The following FBH1 variants were observed in gnomAD, a reference collection of about 807,000 sequenced individuals.
FBH1 encodes DNA 3'-5' helicase 1.
In FBH1, 43 loss-of-function variants were observed where a neutral mutation model predicts 115.5. That is an observed-to-expected ratio of 0.37 (90% CI 0.29 to 0.48). FBH1 has a LOEUF of 0.48. FBH1 is among the 20% of genes least tolerant of loss of function. The probability of loss-of-function intolerance (pLI) is 0.99; values close to 1 mark genes in which losing one functional copy is unlikely to be tolerated. For synonymous variants in FBH1, 524 were observed against 507.8 expected (o/e 1.03, Z -0.43); for missense variants, 1,001 against 1,337.3 (o/e 0.75, Z 3.92).
In FBH1 at chr10:5,906,363, G is replaced by T; in HGVS notation, c.484G>T (p.Ala162Ser). ...TGTGCCATGCACAAGGCCTAGGGAG[G>T]CCAGGCAAGAAGCAGAGGACAGTAC... ...LSVPCTRPRE[A>S]RQEAEDSTSR... Residue 162 changes from alanine to serine, a missense_variant, in exon 3 of 21, where the codon GCC (alanine) becomes TCC (serine). By Grantham distance (99) the Ala-to-Ser change is moderately conservative. Around this residue, in one of 4 missense-constraint regions of FBH1, gnomAD observed 420 missense variants for 430.4 expected, o/e 0.98. Coordinates refer to ENST00000362091, the MANE Select transcript of FBH1 (RefSeq NM_178150.3). The surrounding 1 kb of genome is among the most constrained non-coding windows in gnomAD (Gnocchi z 7.3). The T allele has an allele frequency of 6.2e-7, 1 of 1,614,212 alleles. No individual in the cohort carries two copies. Among genetic ancestry groups the T allele is most frequent in the Non-Finnish European group, 8.5e-7 (1 of 1,180,006 alleles).
In FBH1 at chr10:5,914,546, T is replaced by A. The variant is rs1007498018; in HGVS notation, c.1396+277T>A. 3.3e-5 allele frequency among the ~76,000 whole-genome samples: 5 copies of A among 152,252 alleles called. No homozygotes were observed. Among genetic ancestry groups the A allele is most frequent in the Non-Finnish European group, 7.3e-5 (5 of 68,044 alleles). On this transcript the variant is annotated intron_variant, in intron 8 of 20. Coordinates refer to ENST00000362091, the MANE Select transcript of FBH1 (RefSeq NM_178150.3). This position sits in a 1 kb window ranked among gnomAD's most constrained non-coding sequence, Gnocchi z 5.2. ...CCCGGGATTGAGCCCAGCATTGTGA[T>A]GTTTGCTCAGGCACTGATTGCTTCT...
Position 5,913,681 on chromosome 10 carries a change from G to A in FBH1, c.1212-66G>A. ...TGGGAAGGAGTTTAAATCCATCTGA[G>A]GAAAAATAAGATGCAGATTGTGACT... On this transcript the variant is annotated intron_variant, in intron 6 of 20. Transcript: ENST00000362091. The surrounding 1 kb of genome is among the most constrained non-coding windows in gnomAD (Gnocchi z 4.4). The A allele has an allele frequency of 8.7e-7, 1 of 1,144,408 alleles. No homozygotes were observed. Among genetic ancestry groups the A allele is most frequent in the Non-Finnish European group, 1.2e-6 (1 of 813,090 alleles). The allele number at this position is 1,144,408 out of a possible 1,614,324, so 70.9% of individuals were successfully genotyped here.
At position 5,918,472 on chromosome 10, in the gene FBH1, C is replaced by T; in HGVS notation, c.2094C>T (p.Leu698=). The T allele has an allele frequency of 1.3e-6, 2 of 1,599,314 alleles. No homozygotes were observed. Among genetic ancestry groups the T allele is most frequent in the East Asian group, 2.2e-5 (1 of 44,484 alleles). The change falls in exon 13 of 21, where the codon CTC becomes CTT. Residue 698 remains leucine, a synonymous_variant. Coordinates refer to ENST00000362091, the MANE Select transcript of FBH1 (RefSeq NM_178150.3). This position sits in a 1 kb window ranked among gnomAD's most constrained non-coding sequence, Gnocchi z 4.0. ...FTVPHTHVFY[L]TQSFRFGVEI... The stretch of plus-strand genomic sequence containing the variant: ...TGCCCCACACCCACGTCTTCTATCT[C>T]ACGCAGGTAAGTGCGCACTCTGCAT...
Position 5,925,214 on chromosome 10 carries a change from G to A in FBH1, c.2597-153G>A, listed in dbSNP as rs7899635. ...CTGTTCCCGACAGTTGTCTGTTCCC[G>A]ACAGTTGTTTCCTCTTTCCCCCTTT... On this transcript the variant is annotated intron_variant, in intron 17 of 20. Transcript: ENST00000362091. This position sits in a 1 kb window ranked among gnomAD's most constrained non-coding sequence, Gnocchi z 4.6. 0.042 allele frequency: 37,788 copies of A among 895,388 alleles called. 1,221 individuals are homozygous for A. Among genetic ancestry groups the A allele is most frequent in the East Asian group, 0.12 (4,617 of 37,598 alleles). The allele number at this position is 895,388 out of a possible 1,614,324, so 55.5% of individuals were successfully genotyped here.
Position 5,906,726 on chromosome 10 carries a change from T to A in FBH1, c.753+94T>A. ...AATCAGAGGATCTTTTCAGAAATGG[T>A]TTCCATTTGCCTTCAGAAGACATTC... On this transcript the variant is annotated intron_variant, in intron 3 of 20. Coordinates refer to ENST00000362091, the MANE Select transcript of FBH1 (RefSeq NM_178150.3). The surrounding 1 kb of genome is among the most constrained non-coding windows in gnomAD (Gnocchi z 7.3). 2.7e-6 allele frequency: 3 copies of A among 1,106,908 alleles called. No individual in the cohort carries two copies. The highest frequency in any genetic ancestry group is 3.9e-6 in the Non-Finnish European group (3 of 778,248). The allele number at this position is 1,106,908 out of a possible 1,614,324, so 68.6% of individuals were successfully genotyped here. A position where few individuals can be genotyped will look rare whatever the true frequency, so the allele number is the denominator to read the frequency against.
rs1564458043 is a variant in FBH1 at position 5,924,223 on chromosome 10, TTG to T, written c.2399-87_2399-86del. Reference sequence around the variant, plus strand: ...CTCCCCACTTTAAGACCATCTGCTCTTGCGCAGCTGCTTAGGAACGTGCAGCA... The same window carrying T: ...CTCCCCACTTTAAGACCATCTGCTCTCGCAGCTGCTTAGGAACGTGCAGCA... On this transcript the variant is annotated intron_variant, in intron 16 of 20. Transcript: ENST00000362091. The surrounding 1 kb of genome is among the most constrained non-coding windows in gnomAD (Gnocchi z 6.2). The T allele has an allele frequency of 1.0e-5, 14 of 1,335,970 alleles. 1 individual carries two copies. The Admixed American group carries it at 2.6e-4, about 25-fold the overall frequency. 82.8% of individuals were successfully genotyped at this position (1,335,970 alleles called of 1,614,324 possible). A position where few individuals can be genotyped will look rare whatever the true frequency, so the allele number is the denominator to read the frequency against.
chr10:5,919,079 A>G (rs1467897669), intron 13 of FBH1, among the ~76,000 whole-genome samples: 1 of 152,238 alleles, frequency 6.6e-6, no homozygotes, highest in Non-Finnish European at 1.5e-5. Flanking sequence ...GTCTTCTGTT[A>G]TGCCAGGCAT....
intron 1 of FBH1, among the ~76,000 whole-genome samples, chr10:5,898,741 C>T (rs1023941656): frequency 6.6e-6 from 1 of 152,124 alleles, no homozygotes; most frequent in African/African-American, 2.4e-5. Context: ...CGTCACCTTG[C>T]GGGTGAGGAT....
At chr10:5,907,243 G>C (rs1843750719) in intron 3 of FBH1, among the ~76,000 whole-genome samples, 1 of 152,290 alleles carries the variant, frequency 6.6e-6, no homozygotes, top group East Asian at 1.9e-4. Flanking sequence ...GGGGTTACAG[G>C]CGTGAGCCAC....
intron 1 of FBH1, among the ~76,000 whole-genome samples, chr10:5,890,681 A>G (rs1448039823): frequency 1.3e-5 from 2 of 152,148 alleles, no homozygotes; most frequent in Non-Finnish European, 2.9e-5. Context: ...CTCGGCTGCT[A>G]GGAGGCCAGG....
intron 18 of FBH1, among the ~76,000 whole-genome samples, chr10:5,926,008 C>T (rs12767690): frequency 0.28 from 42,783 of 152,064 alleles, 6,625 homozygotes; most frequent in Middle Eastern, 0.34. Flanking sequence ...TAGGCTCAAG[C>T]GATCCTCCCA....
In FBH1 at chr10:5,914,378, T is replaced by A; in HGVS notation, c.1396+109T>A. 1 of 896,894 alleles carries A rather than the reference T, an allele frequency of 1.1e-6. No homozygotes were observed. The highest frequency in any genetic ancestry group is 1.8e-6 in the Non-Finnish European group (1 of 551,262). 55.6% of individuals were successfully genotyped at this position (896,894 alleles called of 1,614,324 possible). On this transcript the variant is annotated intron_variant, in intron 8 of 20. Transcript: ENST00000362091. The surrounding 1 kb of genome is among the most constrained non-coding windows in gnomAD (Gnocchi z 5.2). ...TCTTTGCTCTGATCTGTCATCCAAC[T>A]AATAATTCAATAACAGATCAAATAA... is the stretch of plus-strand genomic sequence containing the variant.
At chr10:5,892,922 C>A (rs898352853) in intron 1 of FBH1, among the ~76,000 whole-genome samples, 1 of 152,212 alleles carries the variant, frequency 6.6e-6, no homozygotes, top group East Asian at 1.9e-4. Flanking sequence ...AGTTGTTTTC[C>A]TGACAATCTC....
Position 5,923,267 on chromosome 10 carries a change from G to A in FBH1, c.2323-354G>A, listed in dbSNP as rs370344693. On this transcript the variant is annotated intron_variant, in intron 15 of 20. Coordinates refer to ENST00000362091, the MANE Select transcript of FBH1 (RefSeq NM_178150.3). The surrounding 1 kb of genome is among the most constrained non-coding windows in gnomAD (Gnocchi z 5.7). ...GGTGCCATTTGTGTTCTTTGGAATC[G>A]TCTTATGTTCTTGGAAGATGCTTAA... 8.6e-4 allele frequency among the ~76,000 whole-genome samples: 131 copies of A among 152,292 alleles called. 1 individual carries two copies. The highest frequency in any genetic ancestry group is 6.2e-3 in the East Asian group (32 of 5,180).
In FBH1 at chr10:5,932,029, C is replaced by A. The variant is rs947764900; in HGVS notation, c.2830-4427C>A. Among the ~76,000 whole-genome samples, 1 of 152,060 alleles carries A rather than the reference C, an allele frequency of 6.6e-6. No homozygotes were observed. Among genetic ancestry groups the A allele is most frequent in the African/African-American group, 2.4e-5 (1 of 41,356 alleles). ...AGTCATGGTGGTGCATACCTGTAGC[C>A]CCAGCTACTTAGGAGGCTGAGGTGG... On this transcript the variant is annotated intron_variant, in intron 19 of 20. Transcript: ENST00000362091. The surrounding 1 kb of genome is among the most constrained non-coding windows in gnomAD (Gnocchi z 5.9).
chr10:5,902,414 A>G (rs1843402584), intron 1 of FBH1, among the ~76,000 whole-genome samples: 1 of 152,240 alleles, frequency 6.6e-6, no homozygotes, highest in African/African-American at 2.4e-5. Flanking sequence ...ACTTTTGATT[A>G]TAATAGAAAT....
In FBH1 at chr10:5,914,080, T is replaced by C. The variant is rs1831777327; in HGVS notation, c.1305-98T>C. The C allele has an allele frequency of 2.5e-6, 3 of 1,213,400 alleles. No individual in the cohort carries two copies. In the Admixed American group the frequency reaches 6.3e-5, roughly 25 times the overall value. The allele number at this position is 1,213,400 out of a possible 1,614,324, so 75.2% of individuals were successfully genotyped here. On this transcript the variant is annotated intron_variant, in intron 7 of 20. Transcript: ENST00000362091. This position sits in a 1 kb window ranked among gnomAD's most constrained non-coding sequence, Gnocchi z 5.2. Reference sequence around the variant, plus strand: ...GGGAGGCCTTTTTTTTGGTCAGCTTTTGTTTATCCAGTTTGTATGTTTGGT... The same window carrying C: ...GGGAGGCCTTTTTTTTGGTCAGCTTCTGTTTATCCAGTTTGTATGTTTGGT...
Position 5,906,993 on chromosome 10 carries a change from C to A in FBH1, c.753+361C>A, listed in dbSNP as rs1178748695. Among the ~76,000 whole-genome samples, 3 of 150,650 alleles carry A rather than the reference C, an allele frequency of 2.0e-5. No individual in the cohort carries two copies. The highest frequency in any genetic ancestry group is 3.9e-4 in the East Asian group (2 of 5,138). Reference sequence around the variant, plus strand: ...TTTTTTTTTTTTTGAGACAGAGTTTCCCACTGTTGCCCAGGCTGGAGTGCA... The same window carrying A: ...TTTTTTTTTTTTTGAGACAGAGTTTACCACTGTTGCCCAGGCTGGAGTGCA... On this transcript the variant is annotated intron_variant, in intron 3 of 20. Coordinates refer to ENST00000362091, the MANE Select transcript of FBH1 (RefSeq NM_178150.3). The surrounding 1 kb of genome is among the most constrained non-coding windows in gnomAD (Gnocchi z 7.3).
rs1038915404 is a variant in FBH1 at position 5,895,921 on chromosome 10, A to G, written c.1+5575A>G. On this transcript the variant is annotated intron_variant, in intron 1 of 20. Transcript: ENST00000362091. The surrounding 1 kb of genome is among the most constrained non-coding windows in gnomAD (Gnocchi z 5.0). ...GGAAGTATAGCCCAGCTGTGTGCTCAGGGAGAAGAGCAACAACATTCTTTG... is the reference window on the plus strand; with the variant it reads ...GGAAGTATAGCCCAGCTGTGTGCTCGGGGAGAAGAGCAACAACATTCTTTG... 6.6e-6 allele frequency among the ~76,000 whole-genome samples: 1 copy of G among 152,206 alleles called. No individual in the cohort carries two copies. Among genetic ancestry groups the G allele is most frequent in the African/African-American group, 2.4e-5 (1 of 41,452 alleles).
Sources: allele counts gnomAD v4.1 joint callset (sites outside exome capture counted in the v4.1 genomes callset), GRCh38; gene constraint gnomAD v4.1.1; regional missense constraint gnomAD v4.1.1; non-coding constraint Gnocchi (gnomAD v3.1); transcripts MANE v1.5; gene names NCBI Gene and HGNC (gene_info 2026-07-23, HGNC 2026-07-21).